Variants in BAZ2A observed in about 807,000 individuals in gnomAD.
BAZ2A encodes the protein bromodomain adjacent to zinc finger domain 2A, also known as bromodomain adjacent to zinc finger domain protein 2A.
BAZ2A carries 34 observed loss-of-function variants against 199.9 expected under a neutral mutation model. The observed-to-expected ratio is 0.17, with a 90% CI of 0.13 to 0.23. BAZ2A has a LOEUF of 0.23. Ranked by LOEUF, BAZ2A falls within the 10% of genes least tolerant of loss-of-function variation. The pLI is 1.00. For synonymous variants in BAZ2A, 857 were observed against 883.9 expected (o/e 0.97, Z 0.54); for missense variants, 2,002 against 2,391.1 (o/e 0.84, Z 3.39).
chr12:56,604,951 A>C (rs1950297874), intron 14 of BAZ2A, 122 bp downstream of exon 14: 1 of 1,405,680 alleles, frequency 7.1e-7, no homozygotes, highest in Non-Finnish European at 9.5e-7. Flanking sequence ...AAATAAAGAA[A>C]AATAAAATAA....
upstream of BAZ2A, chr12:56,634,916 C>T (rs895889966): frequency 5.1e-6 from 5 of 985,122 alleles, no homozygotes; most frequent in Admixed American, 3.1e-4. Context: ...CAAGGGACTC[C>T]GGAGCTGGAG....
In BAZ2A at chr12:56,595,922, CTT is replaced by C. The variant is rs1448531504; in HGVS notation, c.*2694_*2695del. On this transcript the variant is annotated 3_prime_UTR_variant, in exon 29 of 29. Coordinates refer to ENST00000549884, the MANE Select transcript of BAZ2A (RefSeq NM_001300905.2). Reference sequence around the variant, plus strand: ...AGAAGGGAAGATGAATACACAGAGTCTTTTGAATCTCTATCAAATGTGGTTTT... The same window carrying C: ...AGAAGGGAAGATGAATACACAGAGTCTTGAATCTCTATCAAATGTGGTTTT... The C allele has an allele frequency of 3.1e-5, 1 of 32,212 alleles. No homozygotes were observed. Among genetic ancestry groups the C allele is most frequent in the African/African-American group, 1.0e-4 (1 of 9,654 alleles). The allele number at this position is 32,212 out of a possible 1,614,324, so 2.0% of individuals were successfully genotyped here. A position where few individuals can be genotyped will look rare whatever the true frequency, so the allele number is the denominator to read the frequency against.
chr12:56,636,555 GAGAGGGAGA>G, upstream of BAZ2A, among the ~76,000 whole-genome samples: 1 of 152,162 alleles, frequency 6.6e-6, no homozygotes, highest in African/African-American at 2.4e-5. Context: ...TGCAGCTACT[GAGAGGGAGA>G]AGGTTCTCGA....
At chr12:56,603,285 C>T (rs760408403) in intron 18 of BAZ2A, 74 bp downstream of exon 18, 41 of 1,477,534 alleles carry the variant, frequency 2.8e-5, no homozygotes, top group Non-Finnish European at 3.8e-5. Flanking sequence ...AATTAAAATT[C>T]AGTTTAAAAA....
At chr12:56,622,580 T>A (rs201067326) in intron 1 of BAZ2A, among the ~76,000 whole-genome samples, 1 of 152,140 alleles carries the variant, frequency 6.6e-6, no homozygotes, top group Non-Finnish European at 1.5e-5. Context: ...CTTTTCACAA[T>A]AAACCCTAAA....
chr12:56,630,105 T>C lies in BAZ2A; in HGVS notation c.-3+20A>G, dbSNP rs1439772611. On this transcript the variant is annotated intron_variant, in intron 1 of 28. Transcript: ENST00000549884. ...CGGGGCTCCCTCCCCCTCAGGCCCC[T>C]GGCCACAGACCCCACAAACCTGAGG... The C allele has an allele frequency of 1.0e-6, 1 of 977,832 alleles. No homozygotes were observed. Among genetic ancestry groups the C allele is most frequent in the African/African-American group, 1.8e-5 (1 of 57,036 alleles). The allele number at this position is 977,832 out of a possible 1,614,324, so 60.6% of individuals were successfully genotyped here.
In BAZ2A at chr12:56,600,711, C is replaced by T; in HGVS notation, c.4572G>A (p.Gln1524=). The T allele has an allele frequency of 6.2e-7, 1 of 1,613,502 alleles. No individual in the cohort carries two copies. Among genetic ancestry groups the T allele is most frequent in the Non-Finnish European group, 8.5e-7 (1 of 1,179,852 alleles). ...TCTGCAGATCAGACATGATAACCCGCTGCTCCAGCTCCTCTACCCATTGAA... is the reference window on the plus strand; with the variant it reads ...TCTGCAGATCAGACATGATAACCCGTTGCTCCAGCTCCTCTACCCATTGAA... ...AVLQWVEELE[Q]RVIMSDLQIR... Residue 1524 remains glutamine (Q), a synonymous_variant, in exon 23 of 29, where the codon CAG becomes CAA. Coordinates refer to ENST00000549884, the MANE Select transcript of BAZ2A (RefSeq NM_001300905.2).
At chr12:56,621,182 G>A in intron 1 of BAZ2A, 14 of 985,418 alleles carry the variant, frequency 1.4e-5, no homozygotes, top group Non-Finnish European at 1.7e-5. Flanking sequence ...CCTCCTCAAT[G>A]ATGGGTCACG....
In BAZ2A at chr12:56,630,212, G is replaced by A; in HGVS notation, c.-90C>T. 1 of 985,510 alleles carries A rather than the reference G, an allele frequency of 1.0e-6. No homozygotes were observed. Among genetic ancestry groups the A allele is most frequent in the African/African-American group, 1.7e-5 (1 of 57,386 alleles). The allele number at this position is 985,510 out of a possible 1,614,324, so 61.0% of individuals were successfully genotyped here. On this transcript the variant is annotated 5_prime_UTR_variant, in exon 1 of 29. Transcript: ENST00000549884. ...ATGGCCGCGCTCCGGGCGCCAGAAC[G>A]GGTGGAGACGCCCGCTGGGGAGGGG...
intron 10 of BAZ2A, 62 bp from the exon 11 acceptor site, chr12:56,606,795 G>A (rs762582551): frequency 3.0e-6 from 4 of 1,340,032 alleles, no homozygotes; most frequent in Non-Finnish European, 4.3e-6. Context: ...TAGCATCCAG[G>A]GCAACACATG....
chr12:56,626,987 G>C (rs1951115796), intron 1 of BAZ2A, among the ~76,000 whole-genome samples: 1 of 152,202 alleles, frequency 6.6e-6, no homozygotes, highest in African/African-American at 2.4e-5. Context: ...AACAGCCCCA[G>C]TGAGAAGAGC....
In BAZ2A at chr12:56,606,750, A is replaced by G; in HGVS notation, c.2093-17T>C. 6.2e-7 allele frequency: 1 copy of G among 1,606,444 alleles called. No individual in the cohort carries two copies. Among genetic ancestry groups the G allele is most frequent in the Middle Eastern group, 1.7e-4 (1 of 6,044 alleles). ...TCAATGTTTCTGTGAGAGCAGAAAGAAAAATGAAACAAGTGAGGCAGGAAG... is the reference window on the plus strand; with the variant it reads ...TCAATGTTTCTGTGAGAGCAGAAAGGAAAATGAAACAAGTGAGGCAGGAAG... On this transcript the variant is annotated splice_polypyrimidine_tract_variant and intron_variant, in intron 10 of 28. Coordinates refer to ENST00000549884, the MANE Select transcript of BAZ2A (RefSeq NM_001300905.2).
At chr12:56,614,979 T>C (rs200418944) in intron 3 of BAZ2A, 35 bp downstream of exon 3, 1 of 1,575,704 alleles carries the variant, frequency 6.3e-7, no homozygotes, top group African/African-American at 1.3e-5. Context: ...GCTCCATTTT[T>C]CCTTTCCCCA....
At chr12:56,625,326 T>A (rs2137286080) in intron 1 of BAZ2A, among the ~76,000 whole-genome samples, 1 of 151,980 alleles carries the variant, frequency 6.6e-6, no homozygotes, top group South Asian at 2.1e-4. Context: ...CGGCTAATTT[T>A]CATATTTTTA....
chr12:56,634,387 C>A (rs1951394696), upstream of BAZ2A, among the ~76,000 whole-genome samples: 1 of 152,082 alleles, frequency 6.6e-6, no homozygotes, highest in Non-Finnish European at 1.5e-5. Context: ...AGAGTCCTTC[C>A]CACCTGGGCT....
Position 56,599,185 on chromosome 12 carries a change from G to C in BAZ2A, c.5346C>G (p.Pro1782=). The change falls in exon 27 of 29, where the codon CCC becomes CCG. Residue 1782 remains proline, a synonymous_variant. Transcript: ENST00000549884. ...GPRYSEEGLS[P]SKRRRLSMRN... is the part of the protein sequence containing the mutation. ...GCATAGAGAGTCGCCGCCGCTTGGA[G>C]GGGGAGAGCCCTTCTTCCGAGTACC... 5 of 1,613,282 alleles carry C rather than the reference G, an allele frequency of 3.1e-6. No homozygotes were observed. Among genetic ancestry groups the C allele is most frequent in the Non-Finnish European group, 3.4e-6 (4 of 1,179,678 alleles).
At chr12:56,625,819 T>G (rs1951075824) in intron 1 of BAZ2A, among the ~76,000 whole-genome samples, 1 of 134,988 alleles carries the variant, frequency 7.4e-6, no homozygotes, top group African/African-American at 2.9e-5. Flanking sequence ...GAGCTTGCAG[T>G]GAGTCGAGAT....
intron 26 of BAZ2A, 148 bp downstream of exon 26, chr12:56,599,554 G>A: frequency 1.6e-6 from 2 of 1,289,184 alleles, no homozygotes; most frequent in South Asian, 1.5e-5. Context: ...AGCAATTAAA[G>A]CTATAGAATT....
chr12:56,635,004 C>A, upstream of BAZ2A: 4 of 984,466 alleles, frequency 4.1e-6, no homozygotes, highest in Non-Finnish European at 4.8e-6. The surrounding 1 kb of genome is among the most constrained non-coding windows in gnomAD (Gnocchi z 4.1). Context: ...GTGGCCGAGC[C>A]GGGCGGCGGC....
Sources: allele counts gnomAD v4.1 joint callset (sites outside exome capture counted in the v4.1 genomes callset), GRCh38; gene constraint gnomAD v4.1.1; non-coding constraint Gnocchi (gnomAD v3.1); transcripts MANE v1.5; gene names NCBI Gene and HGNC (gene_info 2026-07-23, HGNC 2026-07-21).